Variants in VPS13B observed in about 807,000 individuals in gnomAD.
The protein encoded by VPS13B is intermembrane lipid transfer protein VPS13B.
VPS13B carries 285 observed loss-of-function variants against 426.4 expected under a neutral mutation model. That is an observed-to-expected ratio of 0.67 (90% CI 0.61 to 0.74). The LOEUF is 0.74. Among genes scored for constraint, VPS13B ranks in the 30% least tolerant of loss-of-function variants. The probability of loss-of-function intolerance (pLI) is 0.00; values close to 1 mark genes in which losing one functional copy is unlikely to be tolerated. For synonymous variants in VPS13B, 1,676 were observed against 1,676.4 expected (o/e 1.00, Z 0.01); for missense variants, 4,537 against 4,782.6 (o/e 0.95, Z 1.51).
intron 33 of VPS13B, among the ~76,000 whole-genome samples, chr8:99,636,344 T>C (rs1053836667): frequency 6.6e-6 from 1 of 152,004 alleles, no homozygotes; most frequent in Non-Finnish European, 1.5e-5. Flanking sequence ...CAATAACAAT[T>C]TATCTTGATA....
intron 43 of VPS13B, among the ~76,000 whole-genome samples, chr8:99,794,709 A>T (rs952368544): frequency 2.0e-5 from 3 of 152,156 alleles, no homozygotes; most frequent in African/African-American, 7.2e-5. Context: ...CTAAGTTGGC[A>T]GTGTTTCTGC....
At position 99,136,710 on chromosome 8, in the gene VPS13B, T is replaced by C; in HGVS notation, c.1609T>C (p.Tyr537His). The change falls in exon 12 of 62, where the codon TAT becomes CAT. Residue 537 changes from tyrosine to histidine, a missense_variant. By Grantham distance (83) the Tyr-to-His change is moderately conservative. Around this residue, in one of 2 missense-constraint regions of VPS13B, gnomAD observed 4,311 missense variants for 4,474.3 expected, o/e 0.96. Transcript: ENST00000357162. The part of the protein sequence containing the change: ...IAGMQRFGAF[Y>H]MDYLYTMENT... ...TGGAATGCAACGGTTTGGGGCTTTTTATATGGATTACCTGTATACAATGGA... is the reference window on the plus strand; with the variant it reads ...TGGAATGCAACGGTTTGGGGCTTTTCATATGGATTACCTGTATACAATGGA... The C allele has an allele frequency of 1.2e-6, 2 of 1,613,712 alleles. No individual in the cohort carries two copies. Among genetic ancestry groups the C allele is most frequent in the African/African-American group, 1.3e-5 (1 of 75,052 alleles).
At chr8:99,325,485 G>A (rs966029639) in intron 19 of VPS13B, among the ~76,000 whole-genome samples, 5 of 152,078 alleles carry the variant, frequency 3.3e-5, no homozygotes, top group Non-Finnish European at 5.9e-5. Context: ...ATTGTTATTT[G>A]TTCTTCAGAA....
chr8:99,165,394 C>G (rs1052292474), intron 15 of VPS13B, among the ~76,000 whole-genome samples: 1 of 152,100 alleles, frequency 6.6e-6, no homozygotes, highest in Admixed American at 6.5e-5. Context: ...ATCTGGCAAA[C>G]CCATCGTTTG....
chr8:99,285,216 A>G (rs976876633), intron 19 of VPS13B, among the ~76,000 whole-genome samples: 6 of 152,262 alleles, frequency 3.9e-5, no homozygotes, highest in African/African-American at 1.4e-4. Flanking sequence ...TGTACCCTGG[A>G]CGCTATGATG....
At chr8:99,710,644 T>C (rs1832672942) in intron 36 of VPS13B, among the ~76,000 whole-genome samples, 1 of 54 alleles carries the variant, frequency 0.019, no homozygotes, top group Non-Finnish European at 0.036. Flanking sequence ...TTTGGTTTAC[T>C]ATCCTGTAAG....
chr8:99,534,755 T>C (rs975810232), intron 30 of VPS13B, among the ~76,000 whole-genome samples: 2 of 152,190 alleles, frequency 1.3e-5, no homozygotes, highest in Admixed American at 6.5e-5. Flanking sequence ...AACATTGTGC[T>C]ACTGTCTTAA....
At chr8:99,827,102 A>T (rs1814732978) in intron 51 of VPS13B, among the ~76,000 whole-genome samples, 1 of 152,024 alleles carries the variant, frequency 6.6e-6, no homozygotes, top group Admixed American at 6.6e-5. Flanking sequence ...GTTAGGTAGG[A>T]GTCCCTCTTT....
chr8:99,100,913 A>G (rs1406086308), intron 4 of VPS13B, among the ~76,000 whole-genome samples: 1 of 151,838 alleles, frequency 6.6e-6, no homozygotes, highest in African/African-American at 2.4e-5. Flanking sequence ...ACGTGGTGGC[A>G]CGTGCCTGTA....
chr8:99,586,787 C>T (rs1033964549), intron 33 of VPS13B, among the ~76,000 whole-genome samples: 1 of 151,904 alleles, frequency 6.6e-6, no homozygotes, highest in African/African-American at 2.4e-5. Flanking sequence ...GAATGCTATT[C>T]CCATTAAACT....
Position 99,876,295 on chromosome 8 carries a change from G to C in VPS13B, c.*629G>C, listed in dbSNP as rs1444236577. On this transcript the variant is annotated 3_prime_UTR_variant, in exon 62 of 62. Coordinates refer to ENST00000357162, the MANE Select transcript of VPS13B (RefSeq NM_152564.5). ...TTGTTACATTTGTCATTTAACTGCA[G>C]TGCTATTCTTTGAAAGCTGCTATGT... 1 of 153,524 alleles carries C rather than the reference G, an allele frequency of 6.5e-6. No homozygotes were observed. Among genetic ancestry groups the C allele is most frequent in the African/African-American group, 2.4e-5 (1 of 41,436 alleles). The allele number at this position is 153,524 out of a possible 1,614,324, so 9.5% of individuals were successfully genotyped here.
intron 35 of VPS13B, among the ~76,000 whole-genome samples, chr8:99,681,709 T>A (rs1831161784): frequency 6.6e-6 from 1 of 152,214 alleles, no homozygotes; most frequent in South Asian, 2.1e-4. Flanking sequence ...TGTTTGGGAA[T>A]ACATATAGCT....
chr8:99,358,706 A>G (rs1055036903), intron 19 of VPS13B, among the ~76,000 whole-genome samples: 11 of 152,204 alleles, frequency 7.2e-5, no homozygotes, highest in Non-Finnish European at 1.3e-4. Context: ...AGAATAGCAG[A>G]CAGTTATGAG....
chr8:99,776,744 T>C (rs1287941105), intron 40 of VPS13B, 31 bp from the exon 41 acceptor site: 2 of 1,613,292 alleles, frequency 1.2e-6, no homozygotes, highest in African/African-American at 1.3e-5. Flanking sequence ...ATTTTGGTTA[T>C]TGAACTTCTT....
intron 28 of VPS13B, 31 bp from the exon 29 acceptor site, chr8:99,511,073 T>C (rs1429366114): frequency 1.9e-6 from 3 of 1,608,424 alleles, no homozygotes; most frequent in Non-Finnish European, 2.5e-6. Flanking sequence ...TTTAATGAAC[T>C]GTGTATTGTG....
At chr8:99,396,654 T>A (rs1455185567) in intron 21 of VPS13B, among the ~76,000 whole-genome samples, 1 of 152,024 alleles carries the variant, frequency 6.6e-6, no homozygotes, top group African/African-American at 2.4e-5. Flanking sequence ...TTACTCTAAA[T>A]TTGCAGCCCT....
At chr8:99,090,375 C>T (rs1846076637) in intron 3 of VPS13B, among the ~76,000 whole-genome samples, 1 of 151,342 alleles carries the variant, frequency 6.6e-6, no homozygotes, top group South Asian at 2.1e-4. Flanking sequence ...TCAAGTGATT[C>T]CCCTGCCTCA....
At chr8:99,373,850 A>G (rs1199326989) in intron 19 of VPS13B, among the ~76,000 whole-genome samples, 3 of 152,140 alleles carry the variant, frequency 2.0e-5, no homozygotes, top group African/African-American at 7.2e-5. Context: ...TCAAAAAAGT[A>G]ACAAAAGGAA....
At chr8:99,130,448 C>T (rs569713800) in intron 8 of VPS13B, among the ~76,000 whole-genome samples, 64 of 147,372 alleles carry the variant, frequency 4.3e-4, no homozygotes, top group African/African-American at 1.5e-3. Context: ...AGTGCAGTGG[C>T]GCAGTCTCGG....
Sources: gnomAD v4.1 joint callset for allele counts (sites outside exome capture counted in the v4.1 genomes callset) on GRCh38, gnomAD v4.1.1 for gene constraint, gnomAD v4.1.1 regional missense constraint, MANE v1.5 for transcripts, NCBI Gene and HGNC (gene_info 2026-07-23, HGNC 2026-07-21) for gene names.